The following NRCAM variants were observed in gnomAD, a reference collection of about 807,000 sequenced individuals.
NRCAM encodes neuronal cell adhesion molecule.
A neutral mutation model predicts 156.5 loss-of-function variants in NRCAM; 83 were observed. The ratio of observed to expected loss-of-function variants is 0.53; its 90% confidence interval spans 0.44 to 0.64. The LOEUF (loss-of-function observed/expected upper bound fraction) is 0.64, where lower values mean the gene tolerates loss of function less well. Among genes scored for constraint, NRCAM ranks in the 30% least tolerant of loss-of-function variants. The pLI, the probability that NRCAM is intolerant of heterozygous loss-of-function variation, is 0.00. For synonymous variants in NRCAM, 538 were observed against 563.9 expected (o/e 0.95, Z 0.65); for missense variants, 1,417 against 1,597.3 (o/e 0.89, Z 1.92).
chr7:108,284,384 C>A (rs910365652), intron 3 of NRCAM, among the ~76,000 whole-genome samples: 1 of 152,104 alleles, frequency 6.6e-6, no homozygotes, highest in African/African-American at 2.4e-5. Context: ...GACTTGGATA[C>A]CCTAAAAAGC....
At chr7:108,236,348 T>C (rs1380350599) in intron 5 of NRCAM, among the ~76,000 whole-genome samples, 3 of 152,224 alleles carry the variant, frequency 2.0e-5, no homozygotes, top group Admixed American at 1.3e-4. Flanking sequence ...TACTATTATA[T>C]GCAGGGTACT....
At chr7:108,157,854 A>C (rs1326055326) in intron 32 of NRCAM, among the ~76,000 whole-genome samples, 1 of 152,142 alleles carries the variant, frequency 6.6e-6, no homozygotes, top group Non-Finnish European at 1.5e-5. Flanking sequence ...CATGTGGAGA[A>C]TGTATGAAGG....
chr7:108,322,512 T>G (rs974246154), intron 2 of NRCAM, among the ~76,000 whole-genome samples: 1 of 152,218 alleles, frequency 6.6e-6, no homozygotes, highest in Non-Finnish European at 1.5e-5. Flanking sequence ...TGATTTTGTT[T>G]TAGTTACACT....
At chr7:108,171,490 G>A (rs376348366) in intron 28 of NRCAM, among the ~76,000 whole-genome samples, 2 of 152,114 alleles carry the variant, frequency 1.3e-5, no homozygotes, top group Admixed American at 1.3e-4. Context: ...GTTTTCAAAC[G>A]CCATGTGCTT....
intron 2 of NRCAM, among the ~76,000 whole-genome samples, chr7:108,343,403 T>G (rs1363068674): frequency 6.6e-6 from 1 of 151,956 alleles, no homozygotes; most frequent in Non-Finnish European, 1.5e-5. Flanking sequence ...CCTAAAGAGG[T>G]GGCAGTCTTA....
chr7:108,369,839 T>G (rs1446646891), intron 2 of NRCAM, among the ~76,000 whole-genome samples: 1 of 152,134 alleles, frequency 6.6e-6, no homozygotes, highest in Non-Finnish European at 1.5e-5. Flanking sequence ...ATGCTTCAGG[T>G]ACTTAGAATA....
intron 12 of NRCAM, among the ~76,000 whole-genome samples, chr7:108,208,765 G>T (rs1266582783): frequency 6.6e-6 from 1 of 152,146 alleles, no homozygotes; most frequent in African/African-American, 2.4e-5. Context: ...GAGGTTTTGG[G>T]CTTTTGAGAA....
chr7:108,441,669 A>G (rs562542233), intron 1 of NRCAM, among the ~76,000 whole-genome samples: 1 of 152,342 alleles, frequency 6.6e-6, no homozygotes, highest in South Asian at 2.1e-4. Flanking sequence ...CAGCTATGTT[A>G]TTTTAATCAG....
At chr7:108,232,726 G>T (rs2094475530) in intron 6 of NRCAM, among the ~76,000 whole-genome samples, 1 of 152,194 alleles carries the variant, frequency 6.6e-6, no homozygotes, top group East Asian at 1.9e-4. Flanking sequence ...TAAGGTACCT[G>T]TCTTCTTTAG....
At chr7:108,395,790 G>A (rs963030367) in intron 2 of NRCAM, among the ~76,000 whole-genome samples, 1 of 152,146 alleles carries the variant, frequency 6.6e-6, no homozygotes, top group African/African-American at 2.4e-5. Context: ...TGGAATCCAA[G>A]CAGAAAGCAG....
At chr7:108,377,011 C>G (rs1242644626) in intron 2 of NRCAM, among the ~76,000 whole-genome samples, 1 of 150,688 alleles carries the variant, frequency 6.6e-6, no homozygotes, top group Non-Finnish European at 1.5e-5. Flanking sequence ...CAAATAAATA[C>G]AAAAATTAGC....
At chr7:108,399,743 T>G (rs1283888238) in intron 1 of NRCAM, 150 bp from the exon 2 acceptor site, 1 of 152,242 alleles carries the variant, frequency 6.6e-6, no homozygotes, top group African/African-American at 2.4e-5. Context: ...CAAGCATTAT[T>G]GTACTTAATG....
chr7:108,285,397 T>A (rs923718021), intron 3 of NRCAM, among the ~76,000 whole-genome samples: 1 of 152,360 alleles, frequency 6.6e-6, no homozygotes, highest in South Asian at 2.1e-4. Context: ...TCAGGGAATA[T>A]GTGATGGGTT....
At chr7:108,225,751 G>T in intron 9 of NRCAM, 50 bp from the exon 10 acceptor site, 1 of 1,145,086 alleles carries the variant, frequency 8.7e-7, no homozygotes, top group Non-Finnish European at 1.3e-6. Context: ...GGGGAGAAGG[G>T]TCAAAAAGTA....
intron 4 of NRCAM, among the ~76,000 whole-genome samples, chr7:108,239,379 T>C (rs1456388357): frequency 1.3e-5 from 2 of 152,322 alleles, no homozygotes; most frequent in East Asian, 1.9e-4. Flanking sequence ...CTAGATAAGA[T>C]ACTTTTCCTA....
chr7:108,379,861 G>C (rs916044385), intron 2 of NRCAM, among the ~76,000 whole-genome samples: 1 of 151,996 alleles, frequency 6.6e-6, no homozygotes, highest in African/African-American at 2.4e-5. Context: ...AAATATAAAA[G>C]AGAAGTCATA....
intron 18 of NRCAM, 116 bp from the exon 19 acceptor site, chr7:108,191,399 C>G: frequency 1.3e-6 from 1 of 798,714 alleles, no homozygotes; most frequent in Non-Finnish European, 1.9e-6. Context: ...AAGCCCTATG[C>G]TTAGCTGTGA....
intron 20 of NRCAM, among the ~76,000 whole-genome samples, chr7:108,185,060 T>C (rs2065857633): frequency 6.6e-6 from 1 of 152,090 alleles, no homozygotes. Context: ...TTTTTCATAA[T>C]AGGATAAATT....
At chr7:108,423,550 A>C (rs1045957797) in intron 1 of NRCAM, among the ~76,000 whole-genome samples, 3 of 152,268 alleles carry the variant, frequency 2.0e-5, no homozygotes, top group African/African-American at 7.2e-5. Flanking sequence ...CAGTGGGAAC[A>C]GAAAAGGTTT....
Sources: allele counts gnomAD v4.1 joint callset (sites outside exome capture counted in the v4.1 genomes callset), GRCh38; gene constraint gnomAD v4.1.1; transcripts MANE v1.5; gene names NCBI Gene and HGNC (gene_info 2026-07-23, HGNC 2026-07-21).